Variants in MARCHF1 observed in about 807,000 individuals in gnomAD.
MARCHF1 encodes the protein membrane associated ring-CH-type finger 1.
A neutral mutation model predicts 54.2 loss-of-function variants in MARCHF1; 40 were observed. The observed-to-expected ratio is 0.74, with a 90% CI of 0.57 to 0.96. The LOEUF (loss-of-function observed/expected upper bound fraction) is 0.96, where lower values mean the gene tolerates loss of function less well. MARCHF1 is among the 40% of genes least tolerant of loss of function. The pLI is 0.00. For missense variants in MARCHF1, 586 were observed against 656.5 expected, an observed-to-expected ratio of 0.89 and a Z score of 1.17; for synonymous variants, 236 against 236.3, an observed-to-expected ratio of 1.00 and a Z score of 0.01.
At chr4:163,922,539 AT>A (rs1367173155) in intron 3 of MARCHF1, among the ~76,000 whole-genome samples, 2 of 152,200 alleles carry the variant, frequency 1.3e-5, no homozygotes, top group East Asian at 3.8e-4. Flanking sequence ...TGCTGAACAC[AT>A]TTAATTCATC....
intron 3 of MARCHF1, among the ~76,000 whole-genome samples, chr4:163,926,698 A>G (rs1418955638): frequency 6.6e-6 from 1 of 151,564 alleles, no homozygotes; most frequent in East Asian, 1.9e-4. Flanking sequence ...ACTAGTAGAA[A>G]CTCATTTGAG....
intron 1 of MARCHF1, among the ~76,000 whole-genome samples, chr4:164,228,540 A>C (rs1732321882): frequency 6.6e-6 from 1 of 152,194 alleles, no homozygotes; most frequent in Admixed American, 6.5e-5. Context: ...TCAAACGTAT[A>C]ATGTTGAGAA....
chr4:163,655,620 A>G (rs981826000), intron 5 of MARCHF1, among the ~76,000 whole-genome samples: 4 of 151,910 alleles, frequency 2.6e-5, no homozygotes, highest in African/African-American at 4.8e-5. Flanking sequence ...TTGGTGTTAC[A>G]TGGAACTTAC....
At chr4:164,129,779 G>C (rs951291117) in intron 1 of MARCHF1, among the ~76,000 whole-genome samples, 1 of 151,988 alleles carries the variant, frequency 6.6e-6, no homozygotes, top group East Asian at 1.9e-4. Flanking sequence ...ACATACACTG[G>C]GACCTATTGT....
At chr4:164,269,869 C>G (rs370139029) in intron 1 of MARCHF1, among the ~76,000 whole-genome samples, 1 of 152,076 alleles carries the variant, frequency 6.6e-6, no homozygotes, top group African/African-American at 2.4e-5. Context: ...TGTTACATAG[C>G]GTTATTTGTT....
intron 2 of MARCHF1, among the ~76,000 whole-genome samples, chr4:164,014,452 C>A (rs887280697): frequency 5.3e-5 from 8 of 151,992 alleles, no homozygotes; most frequent in Admixed American, 2.0e-4. Context: ...GAGAAAAACA[C>A]TTTTACATAA....
At chr4:164,352,020 G>GATGAAATGA (rs1180676976) in intron 1 of MARCHF1, among the ~76,000 whole-genome samples, 2 of 136,336 alleles carry the variant, frequency 1.5e-5, no homozygotes, top group African/African-American at 5.2e-5. Flanking sequence ...AGCAATGGAA[G>GATGAAATGA]ATGAAATGAA....
intron 1 of MARCHF1, among the ~76,000 whole-genome samples, chr4:164,298,655 A>G (rs1734473499): frequency 6.6e-6 from 1 of 152,128 alleles, no homozygotes; most frequent in African/African-American, 2.4e-5. Context: ...CTCCTACCAG[A>G]GATTAAAATA....
chr4:164,270,050 T>C (rs932397748), intron 1 of MARCHF1, among the ~76,000 whole-genome samples: 4 of 152,138 alleles, frequency 2.6e-5, no homozygotes, highest in Non-Finnish European at 4.4e-5. Flanking sequence ...ATAGTATTTA[T>C]AGTAAAAGTG....
rs1491070111 is a variant in MARCHF1 at position 164,106,770 on chromosome 4, AAT to A, written c.-248+4816_-248+4817del. On this transcript the variant is annotated intron_variant, in intron 2 of 9. Transcript: ENST00000514618. ...ACCCTAAAACTTGAAGTATAATAAA[AAT>A]AAAAAATAAAAAAAAAAAAGGAATA... 2.9e-3 allele frequency among the ~76,000 whole-genome samples: 186 copies of A among 64,374 alleles called. 3 individuals are homozygous for A. The highest frequency in any genetic ancestry group is 0.013 in the South Asian group (26 of 2,068). 42.2% of individuals were successfully genotyped at this position (64,374 alleles called of 152,430 possible). A position where few individuals can be genotyped will look rare whatever the true frequency, so the allele number is the denominator to read the frequency against.
intron 5 of MARCHF1, among the ~76,000 whole-genome samples, chr4:163,623,935 A>T (rs1912824): frequency 0.23 from 35,606 of 152,030 alleles, 4,994 homozygotes; most frequent in Non-Finnish European, 0.31. Flanking sequence ...CAGATCCACA[A>T]GACAGAATTT....
At chr4:163,582,835 C>G (rs1020921647) in intron 8 of MARCHF1, among the ~76,000 whole-genome samples, 2 of 151,912 alleles carry the variant, frequency 1.3e-5, no homozygotes, top group African/African-American at 4.8e-5. Context: ...TTTAAAATGC[C>G]TCATATCTGT....
intron 5 of MARCHF1, among the ~76,000 whole-genome samples, chr4:163,655,616 T>C (rs1280398271): frequency 1.3e-5 from 2 of 151,444 alleles, no homozygotes; most frequent in African/African-American, 4.8e-5. Flanking sequence ...TTTCTTGGTG[T>C]TACATGGAAC....
At chr4:164,048,147 C>T (rs1447939853) in intron 2 of MARCHF1, among the ~76,000 whole-genome samples, 7 of 151,768 alleles carry the variant, frequency 4.6e-5, no homozygotes, top group African/African-American at 1.2e-4. Context: ...TATGATATTC[C>T]CTTATCATGT....
At chr4:164,193,811 A>G (rs980611357) in intron 1 of MARCHF1, among the ~76,000 whole-genome samples, 2 of 152,214 alleles carry the variant, frequency 1.3e-5, no homozygotes, top group Non-Finnish European at 2.9e-5. Flanking sequence ...CCAATAGTCC[A>G]ATGTTTGTCA....
At chr4:163,897,109 C>T (rs1443237069) in intron 3 of MARCHF1, among the ~76,000 whole-genome samples, 1 of 152,100 alleles carries the variant, frequency 6.6e-6, no homozygotes, top group Non-Finnish European at 1.5e-5. Flanking sequence ...CCAACTATGG[C>T]CAATTTTTAT....
intron 4 of MARCHF1, among the ~76,000 whole-genome samples, chr4:163,742,099 G>A (rs1047669502): frequency 6.6e-6 from 1 of 152,056 alleles, no homozygotes; most frequent in South Asian, 2.1e-4. Context: ...ATTGGGGGGT[G>A]TGTCTGCAAT....
chr4:164,177,438 T>C (rs545245024), intron 1 of MARCHF1, among the ~76,000 whole-genome samples: 1 of 152,282 alleles, frequency 6.6e-6, no homozygotes, highest in Admixed American at 6.5e-5. Flanking sequence ...CACGGAGAAT[T>C]GCATGGCTTG....
intron 1 of MARCHF1, among the ~76,000 whole-genome samples, chr4:164,329,572 G>A (rs1735371630): frequency 6.6e-6 from 1 of 152,162 alleles, no homozygotes; most frequent in South Asian, 2.1e-4. Context: ...ACCTGAGACT[G>A]GGTAATTTAT....
Sources: gnomAD v4.1 joint callset for allele counts (sites outside exome capture counted in the v4.1 genomes callset) on GRCh38, gnomAD v4.1.1 for gene constraint, MANE v1.5 for transcripts, NCBI Gene and HGNC (gene_info 2026-07-23, HGNC 2026-07-21) for gene names.